TRIM44: variants seen among roughly 807,000 people sequenced by gnomAD.
TRIM44 encodes tripartite motif-containing protein 44.
A neutral mutation model predicts 37.4 loss-of-function variants in TRIM44; 13 were observed. That is an observed-to-expected ratio of 0.35 (90% confidence interval 0.23 to 0.55). TRIM44 has a LOEUF of 0.55. TRIM44 is among the 20% of genes least tolerant of loss of function. TRIM44 has a pLI of 0.89. For missense variants in TRIM44, 426 were observed against 437.2 expected (o/e 0.97, Z 0.23); for synonymous variants, 175 against 157.2 (o/e 1.11, Z -0.85).
chr11:35,791,235 C>T (rs1020613421), intron 4 of TRIM44, among the ~76,000 whole-genome samples: 1 of 151,938 alleles, frequency 6.6e-6, no homozygotes, highest in African/African-American at 2.4e-5. Flanking sequence ...ACGATGTAAT[C>T]ACATTTGAGC....
intron 2 of TRIM44, among the ~76,000 whole-genome samples, chr11:35,686,578 A>C: frequency 6.6e-6 from 1 of 150,852 alleles, no homozygotes; most frequent in East Asian, 1.9e-4. Flanking sequence ...TTTTTTTGAG[A>C]CGGAATCTCG....
chr11:35,717,209 G>A (rs1852048785), intron 2 of TRIM44, among the ~76,000 whole-genome samples: 1 of 152,206 alleles, frequency 6.6e-6, no homozygotes, highest in South Asian at 2.1e-4. Context: ...TTAAGGCAGA[G>A]TGTAGAGTAG....
intron 2 of TRIM44, among the ~76,000 whole-genome samples, chr11:35,694,103 G>A (rs1028471216): frequency 1.3e-5 from 2 of 152,078 alleles, no homozygotes; most frequent in Admixed American, 6.6e-5. Context: ...GGACACAACT[G>A]CCAACAGCTG....
chr11:35,724,946 C>T (rs879582230), intron 2 of TRIM44, among the ~76,000 whole-genome samples: 6 of 152,038 alleles, frequency 3.9e-5, no homozygotes, highest in Admixed American at 2.6e-4. Flanking sequence ...AACTCATATG[C>T]GTATATTAAG....
chr11:35,712,090 C>G (rs965000059), intron 2 of TRIM44, among the ~76,000 whole-genome samples: 43 of 152,188 alleles, frequency 2.8e-4, no homozygotes, highest in African/African-American at 1.0e-3. Context: ...TTGGCTCACT[C>G]ACTCTGTGAG....
intron 2 of TRIM44, among the ~76,000 whole-genome samples, chr11:35,719,601 C>T (rs948925928): frequency 6.6e-6 from 1 of 152,094 alleles, no homozygotes; most frequent in Non-Finnish European, 1.5e-5. Flanking sequence ...ATTGATGTTA[C>T]ATCTAAAAAG....
chr11:35,675,948 C>T (rs1488890286), intron 1 of TRIM44, among the ~76,000 whole-genome samples: 1 of 152,144 alleles, frequency 6.6e-6, no homozygotes. Context: ...AGTCATTTCT[C>T]CAGGCCACAG....
chr11:35,761,702 G>A (rs890175697), intron 4 of TRIM44, among the ~76,000 whole-genome samples: 1 of 152,152 alleles, frequency 6.6e-6, no homozygotes, highest in Admixed American at 6.5e-5. Context: ...CTAGTAAATG[G>A]TAGACTAGTA....
At chr11:35,771,214 G>T (rs995916031) in intron 4 of TRIM44, among the ~76,000 whole-genome samples, 1 of 152,154 alleles carries the variant, frequency 6.6e-6, no homozygotes, top group African/African-American at 2.4e-5. Context: ...TGAACAATAA[G>T]GTCCAGACTG....
At chr11:35,758,970 T>C (rs1014098405) in intron 4 of TRIM44, among the ~76,000 whole-genome samples, 1 of 152,196 alleles carries the variant, frequency 6.6e-6, no homozygotes, top group African/African-American at 2.4e-5. Context: ...ACCTGACAGT[T>C]ATGTGTCTTG....
intron 3 of TRIM44, among the ~76,000 whole-genome samples, chr11:35,731,944 C>T (rs998210032): frequency 6.6e-6 from 1 of 151,932 alleles, no homozygotes; most frequent in African/African-American, 2.4e-5. Context: ...CTAAACCATA[C>T]CCATTTTGCG....
intron 2 of TRIM44, among the ~76,000 whole-genome samples, chr11:35,705,370 A>C (rs1851865177): frequency 6.6e-6 from 1 of 152,200 alleles, no homozygotes; most frequent in Non-Finnish European, 1.5e-5. Flanking sequence ...GAAAGTTAGC[A>C]AGGATACCCA....
intron 2 of TRIM44, among the ~76,000 whole-genome samples, chr11:35,709,937 G>A (rs1851945580): frequency 6.6e-6 from 1 of 152,160 alleles, no homozygotes; most frequent in South Asian, 2.1e-4. Context: ...GGGATGCCTT[G>A]TGGTCAGAAC....
chr11:35,759,977 A>T (rs1394409203), intron 4 of TRIM44, among the ~76,000 whole-genome samples: 16 of 152,158 alleles, frequency 1.1e-4, no homozygotes. Context: ...CTGTTCTCAG[A>T]TCTCCAGCTG....
intron 4 of TRIM44, among the ~76,000 whole-genome samples, chr11:35,785,513 G>A (rs1853120315): frequency 6.6e-6 from 1 of 152,218 alleles, no homozygotes; most frequent in African/African-American, 2.4e-5. Flanking sequence ...AGTCAGAATT[G>A]TAGGAGGCTA....
At chr11:35,707,286 A>AT (rs1554929066) in intron 2 of TRIM44, among the ~76,000 whole-genome samples, 1 of 152,238 alleles carries the variant, frequency 6.6e-6, no homozygotes, top group Non-Finnish European at 1.5e-5. Context: ...ATGGAAGAAC[A>AT]TTCCATGCTC....
Position 35,713,384 on chromosome 11 carries a change from T to C in TRIM44, c.748-12540T>C, listed in dbSNP as rs543002519. Among the ~76,000 whole-genome samples, 3 of 152,322 alleles carry C rather than the reference T, an allele frequency of 2.0e-5. No homozygotes were observed. The South Asian group carries it at 6.2e-4, about 32-fold the overall frequency. On this transcript the variant is annotated intron_variant, in intron 2 of 4. Coordinates refer to ENST00000299413, the MANE Select transcript of TRIM44 (RefSeq NM_017583.6). ...GCTAAAGATGCTAGTAAGTTGCCTT[T>C]CTATGACTTCTATATAGAAGTTATT...
At chr11:35,706,678 T>C (rs975926237) in intron 2 of TRIM44, among the ~76,000 whole-genome samples, 6 of 151,898 alleles carry the variant, frequency 4.0e-5, no homozygotes, top group African/African-American at 1.5e-4. Flanking sequence ...ATTATCTCAA[T>C]AGATGCAGAA....
chr11:35,706,630 T>A (rs1011702068), intron 2 of TRIM44, among the ~76,000 whole-genome samples: 5 of 152,130 alleles, frequency 3.3e-5, no homozygotes, highest in Admixed American at 6.5e-5. Context: ...ATAAATGTAA[T>A]CTAGCATATA....
Sources: allele counts gnomAD v4.1 joint callset (sites outside exome capture counted in the v4.1 genomes callset), GRCh38; gene constraint gnomAD v4.1.1; transcripts MANE v1.5; gene names NCBI Gene and HGNC (gene_info 2026-07-23, HGNC 2026-07-21).